CFAP44: variants seen among roughly 807,000 people sequenced by gnomAD.
The protein encoded by CFAP44 is cilia and flagella associated protein 44, also known as cilia- and flagella-associated protein 44.
CFAP44 carries 134 observed loss-of-function variants against 216.2 expected under a neutral mutation model. That is an observed-to-expected ratio of 0.62 (90% CI 0.54 to 0.72). The LOEUF is 0.72. Among genes scored for constraint, CFAP44 ranks in the 30% least tolerant of loss-of-function variants. The probability of loss-of-function intolerance (pLI) is 0.00; values close to 1 mark genes in which losing one functional copy is unlikely to be tolerated. For synonymous variants in CFAP44, 700 were observed against 727.6 expected (o/e 0.96, Z 0.61); for missense variants, 2,035 against 2,182.1 (o/e 0.93, Z 1.34).
chr3:113,324,397 T>C (rs980590355), intron 28 of CFAP44, among the ~76,000 whole-genome samples: 6 of 152,162 alleles, frequency 3.9e-5, no homozygotes, highest in African/African-American at 1.4e-4. Flanking sequence ...TTAATCAATA[T>C]ATAAAAAGAA....
rs531641230 is a variant in CFAP44, at chr3:113,435,817, G to T, written c.-5-2148C>A. On this transcript the variant is annotated intron_variant, in intron 1 of 34. Transcript: ENST00000393845. ...TTTGTACTTTGGAGGCATTCTTCTG[G>T]GTTACAAAAATAATGTTTTACTTTT... Among the ~76,000 whole-genome samples the T allele has an allele frequency of 7.9e-5, 12 of 151,110 alleles. No individual in the cohort carries two copies. In the South Asian group the frequency reaches 2.3e-3, roughly 29 times the overall value.
At chr3:113,420,401 T>C (rs1576603287) in intron 4 of CFAP44, among the ~76,000 whole-genome samples, 1 of 152,120 alleles carries the variant, frequency 6.6e-6, no homozygotes, top group East Asian at 1.9e-4. Context: ...AATAAACAAA[T>C]AAATAAATAA....
chr3:113,330,325 C>A lies in CFAP44; in HGVS notation c.3959G>T (p.Arg1320Leu), dbSNP rs183028814. Residue 1320 changes from arginine to leucine, a missense_variant, in exon 26 of 35, where the codon CGT becomes CTT. Physicochemically the swap from Arg to Leu is moderately radical, Grantham distance 102. Transcript: ENST00000393845. ...CTTTGATGATCTAGATATTGAATCACGGGTTGTCAAATCCCCATCCTTTCT... is the reference window on the plus strand; with the variant it reads ...CTTTGATGATCTAGATATTGAATCAAGGGTTGTCAAATCCCCATCCTTTCT... ...SSRKDGDLTT[R>L]DSISRSSKAS... 6.5e-7 allele frequency: 1 copy of A among 1,537,278 alleles called. No individual in the cohort carries two copies. The highest frequency in any genetic ancestry group is 2.4e-5 in the East Asian group (1 of 40,912).
intron 8 of CFAP44, among the ~76,000 whole-genome samples, chr3:113,406,623 CAAA>C (rs760843818): frequency 1.4e-4 from 11 of 79,940 alleles, no homozygotes; most frequent in Admixed American, 2.9e-4. Flanking sequence ...GACCCTGTCT[CAAA>C]AAAAAAAAAA....
Position 113,291,290 on chromosome 3 carries a change from C to T in CFAP44, c.*267G>A, listed in dbSNP as rs147156621. On this transcript the variant is annotated 3_prime_UTR_variant, in exon 35 of 35. Coordinates refer to ENST00000393845, the MANE Select transcript of CFAP44 (RefSeq NM_001164496.2). ...CAGGTGATTTGCTGCAATCATGAAACACAGCCTTCCGAGACTTCATATTCA... is the reference window on the plus strand; with the variant it reads ...CAGGTGATTTGCTGCAATCATGAAATACAGCCTTCCGAGACTTCATATTCA... 4 of 303,268 alleles carry T rather than the reference C, an allele frequency of 1.3e-5. No homozygotes were observed. The highest frequency in any genetic ancestry group is 8.4e-5 in the African/African-American group (4 of 47,646). The allele number at this position is 303,268 out of a possible 1,614,324, so 18.8% of individuals were successfully genotyped here.
Position 113,412,721 on chromosome 3 carries a change from A to G in CFAP44, c.674-3399T>C, listed in dbSNP as rs11925617. Among the ~76,000 whole-genome samples the G allele has an allele frequency of 1.9e-3, 290 of 152,266 alleles. 2 individuals are homozygous for G. The highest frequency in any genetic ancestry group is 5.7e-3 in the African/African-American group (237 of 41,544). ...CATGATCTCATTCCTTTTTATGGCTACATAGTATTCCATGATGTATATGTA... is the reference window on the plus strand; with the variant it reads ...CATGATCTCATTCCTTTTTATGGCTGCATAGTATTCCATGATGTATATGTA... On this transcript the variant is annotated intron_variant, in intron 6 of 34. Transcript: ENST00000393845.
At position 113,304,209 on chromosome 3, in the gene CFAP44, C is replaced by A. The variant is rs983916935; in HGVS notation, c.4876-92G>T. On this transcript the variant is annotated intron_variant, in intron 31 of 34. Coordinates refer to ENST00000393845, the MANE Select transcript of CFAP44 (RefSeq NM_001164496.2). ...ATAAGAGGTGCACTTCCTTCTTTGCCCCTTGTTTAGCTCCTTGCCTTTGGG... is the reference window on the plus strand; with the variant it reads ...ATAAGAGGTGCACTTCCTTCTTTGCACCTTGTTTAGCTCCTTGCCTTTGGG... 2.2e-6 allele frequency: 3 copies of A among 1,341,644 alleles called. No individual in the cohort carries two copies. The African/African-American group carries it at 4.4e-5, about 20-fold the overall frequency. 83.1% of individuals were successfully genotyped at this position (1,341,644 alleles called of 1,614,324 possible). A position where few individuals can be genotyped will look rare whatever the true frequency, so the allele number is the denominator to read the frequency against.
In CFAP44 at chr3:113,308,040, C is replaced by T. The variant is rs959160098; in HGVS notation, c.4627+118G>A. ...GGTATTCATTAGACTCTATAACATACATTTTGAACTATCCTTTTTTTGAAT... is the reference window on the plus strand; with the variant it reads ...GGTATTCATTAGACTCTATAACATATATTTTGAACTATCCTTTTTTTGAAT... On this transcript the variant is annotated intron_variant, in intron 29 of 34. Transcript: ENST00000393845. 47 of 706,506 alleles carry T rather than the reference C, an allele frequency of 6.7e-5. 1 individual carries two copies. In the African/African-American group the frequency reaches 7.4e-4, roughly 11 times the overall value. 43.8% of individuals were successfully genotyped at this position (706,506 alleles called of 1,614,324 possible). A position where few individuals can be genotyped will look rare whatever the true frequency, so the allele number is the denominator to read the frequency against.
At chr3:113,438,297 C>T (rs547154429) in intron 1 of CFAP44, among the ~76,000 whole-genome samples, 1 of 152,212 alleles carries the variant, frequency 6.6e-6, no homozygotes, top group Non-Finnish European at 1.5e-5. Flanking sequence ...TCACACATCT[C>T]AACATCCACC....
intron 8 of CFAP44, among the ~76,000 whole-genome samples, chr3:113,405,129 T>A (rs1047237631): frequency 3.3e-5 from 5 of 152,202 alleles, no homozygotes; most frequent in African/African-American, 4.8e-5. Flanking sequence ...GCTCTAGAGG[T>A]CTACATTTCC....
At chr3:113,343,300 TG>T (rs1480016645) in intron 23 of CFAP44, among the ~76,000 whole-genome samples, 3 of 152,058 alleles carry the variant, frequency 2.0e-5, no homozygotes, top group African/African-American at 7.2e-5. Context: ...TGACCTCAAG[TG>T]ATTCACCTGC....
At chr3:113,312,238 A>ATTT (rs769734983) in intron 28 of CFAP44, among the ~76,000 whole-genome samples, 2,958 of 130,626 alleles carry the variant, frequency 0.023, 51 homozygotes, top group East Asian at 0.046. Flanking sequence ...TGCCTGGCTA[A>ATTT]TTTTTTTTTT....
chr3:113,354,084 CAA>C (rs35767090), intron 22 of CFAP44, among the ~76,000 whole-genome samples: 13,649 of 128,444 alleles, frequency 0.11, 802 homozygotes, highest in African/African-American at 0.18. Context: ...AGGCAAGCCT[CAA>C]AAAAAAAAAA....
chr3:113,407,040 A>C lies in CFAP44; in HGVS notation c.892T>G (p.Phe298Val). 6.2e-7 allele frequency: 1 copy of C among 1,612,298 alleles called. No individual in the cohort carries two copies. The stretch of plus-strand genomic sequence containing the variant: ...GTGAACGTAAAAGCCATTTCCCAGA[A>C]CCTACAAACAAGAAAGAGACTGAAT... ...LTTSGSGHIK[F>V]WEMAFTFTGL... The change falls in exon 8 of 35, where the codon TTC becomes GTC. Residue 298 changes from phenylalanine (F) to valine (V), a missense_variant and splice_region_variant. Coordinates refer to ENST00000393845, the MANE Select transcript of CFAP44 (RefSeq NM_001164496.2).
At chr3:113,295,096 T>C (rs1949868223) in intron 33 of CFAP44, among the ~76,000 whole-genome samples, 1 of 152,226 alleles carries the variant, frequency 6.6e-6, no homozygotes, top group African/African-American at 2.4e-5. Flanking sequence ...CTATGCATAC[T>C]GATTGCTGGT....
At chr3:113,305,947 G>A (rs1344744084) in intron 30 of CFAP44, among the ~76,000 whole-genome samples, 1 of 151,852 alleles carries the variant, frequency 6.6e-6, no homozygotes, top group South Asian at 2.1e-4. Flanking sequence ...ATGGGGAGGG[G>A]CTCCATTTTC....
chr3:113,290,734 T>C lies in CFAP44; in HGVS notation c.*823A>G, dbSNP rs541440034. 2 of 152,324 alleles carry C rather than the reference T, an allele frequency of 1.3e-5. No individual in the cohort carries two copies. Among genetic ancestry groups the C allele is most frequent in the South Asian group, 4.1e-4 (2 of 4,826 alleles). The allele number at this position is 152,324 out of a possible 1,614,324, so 9.4% of individuals were successfully genotyped here. A position where few individuals can be genotyped will look rare whatever the true frequency, so the allele number is the denominator to read the frequency against. ...GTAAATCTATTTCATTATCTCCTCATCTATATCAAAACCAGCAAATGGCCC... is the reference window on the plus strand; with the variant it reads ...GTAAATCTATTTCATTATCTCCTCACCTATATCAAAACCAGCAAATGGCCC... On this transcript the variant is annotated 3_prime_UTR_variant, in exon 35 of 35. Coordinates refer to ENST00000393845, the MANE Select transcript of CFAP44 (RefSeq NM_001164496.2).
chr3:113,366,565 TAAG>T (rs1333779923), intron 18 of CFAP44, among the ~76,000 whole-genome samples: 2 of 152,142 alleles, frequency 1.3e-5, no homozygotes, highest in East Asian at 1.9e-4. Context: ...GGTGTACTCA[TAAG>T]AAGAAGATAT....
At chr3:113,416,479 T>C (rs1934650444) in intron 6 of CFAP44, 46 bp downstream of exon 6, 1 of 1,424,130 alleles carries the variant, frequency 7.0e-7, no homozygotes, top group African/African-American at 1.4e-5. Context: ...CTTCAGAATG[T>C]TGTTATCCTT....
Sources: gnomAD v4.1 joint callset for allele counts (sites outside exome capture counted in the v4.1 genomes callset) on GRCh38, gnomAD v4.1.1 for gene constraint, MANE v1.5 for transcripts, NCBI Gene and HGNC (gene_info 2026-07-23, HGNC 2026-07-21) for gene names.